Variants in PARVA observed in about 807,000 individuals in gnomAD.
PARVA encodes the protein parvin alpha, also known as alpha-parvin.
In PARVA, 25 loss-of-function variants were observed where a neutral mutation model predicts 52.6. The observed-to-expected ratio is 0.48, with a 90% confidence interval of 0.35 to 0.66. The LOEUF (loss-of-function observed/expected upper bound fraction) is 0.66, where lower values mean the gene tolerates loss of function less well. Among genes scored for constraint, PARVA ranks in the 30% least tolerant of loss-of-function variants. The pLI, the probability that PARVA is intolerant of heterozygous loss-of-function variation, is 0.01. For missense variants in PARVA, 373 were observed against 450.9 expected (o/e 0.83, Z 1.56); for synonymous variants, 185 against 179.1 (o/e 1.03, Z -0.26).
intron 1 of PARVA, among the ~76,000 whole-genome samples, chr11:12,450,569 C>T (rs1374559379): frequency 1.3e-5 from 2 of 152,134 alleles, no homozygotes. Context: ...AGGATATAAG[C>T]ATACATGAAA....
chr11:12,427,757 C>A (rs989177334), intron 1 of PARVA, among the ~76,000 whole-genome samples: 2 of 152,176 alleles, frequency 1.3e-5, no homozygotes, highest in Non-Finnish European at 2.9e-5. Context: ...GTAAAAACAT[C>A]AAATACAGCT....
At chr11:12,516,299 T>C (rs1941566453) in intron 10 of PARVA, among the ~76,000 whole-genome samples, 1 of 152,214 alleles carries the variant, frequency 6.6e-6, no homozygotes, top group Non-Finnish European at 1.5e-5. Context: ...CCAGCAGCTA[T>C]ATACACTCAT....
chr11:12,422,324 C>G (rs1347161289), intron 1 of PARVA, among the ~76,000 whole-genome samples: 4 of 152,062 alleles, frequency 2.6e-5, no homozygotes, highest in African/African-American at 9.7e-5. Context: ...CTGTGGGTCT[C>G]TTTTTTGAGC....
rs1232098756 is a variant in PARVA at position 12,517,630 on chromosome 11, G to A, written c.888G>A (p.Leu296=). ...TCCAGTTTGCAGATGGGGTGTACCTGGTGCTGCTCATGGGGCTCCTGGAGG... is the reference window on the plus strand; with the variant it reads ...TCCAGTTTGCAGATGGGGTGTACCTAGTGCTGCTCATGGGGCTCCTGGAGG... ...LETQFADGVY[L]VLLMGLLEGY... The change falls in exon 11 of 13, where the codon CTG becomes CTA. Residue 296 remains leucine, a synonymous_variant. Coordinates refer to ENST00000334956, the MANE Select transcript of PARVA (RefSeq NM_018222.5). The A allele has an allele frequency of 3.7e-6, 6 of 1,600,718 alleles. No homozygotes were observed. Among genetic ancestry groups the A allele is most frequent in the Non-Finnish European group, 5.1e-6 (6 of 1,173,412 alleles).
chr11:12,491,652 G>C (rs1692302040), intron 4 of PARVA, among the ~76,000 whole-genome samples: 1 of 151,958 alleles, frequency 6.6e-6, no homozygotes, highest in African/African-American at 2.4e-5. Flanking sequence ...AAAGTCACTA[G>C]GAAAATATAG....
chr11:12,441,598 C>G (rs1302245113), intron 1 of PARVA, among the ~76,000 whole-genome samples: 4 of 151,574 alleles, frequency 2.6e-5, no homozygotes, highest in Admixed American at 2.6e-4. Context: ...CAAGAAATTC[C>G]ACATAGACGG....
intron 5 of PARVA, among the ~76,000 whole-genome samples, chr11:12,500,392 C>T (rs946582047): frequency 2.0e-5 from 3 of 152,060 alleles, no homozygotes; most frequent in African/African-American, 7.2e-5. Flanking sequence ...TCCCAGGAGA[C>T]GTGTTGAGAG....
At chr11:12,397,396 A>G (rs1939764220) in intron 1 of PARVA, among the ~76,000 whole-genome samples, 1 of 152,210 alleles carries the variant, frequency 6.6e-6, no homozygotes, top group Non-Finnish European at 1.5e-5. Flanking sequence ...ACTCTGAACA[A>G]TGCTGCATTA....
At chr11:12,484,259 CTGGCTTGGGA>C (rs1333918293) in intron 4 of PARVA, among the ~76,000 whole-genome samples, 3 of 152,136 alleles carry the variant, frequency 2.0e-5, no homozygotes, top group Admixed American at 6.6e-5. Context: ...TTGAGGTTTC[CTGGCTTGGGA>C]TGTCTATGTG....
intron 1 of PARVA, among the ~76,000 whole-genome samples, chr11:12,407,961 T>C (rs1939938357): frequency 6.6e-6 from 1 of 152,242 alleles, no homozygotes; most frequent in Non-Finnish European, 1.5e-5. Flanking sequence ...GTCCCCATCC[T>C]TTTAAAGAGG....
In PARVA at chr11:12,504,411, C is replaced by A; in HGVS notation, c.639C>A (p.Ile213=). ...TTCGACTCCCAGACCATGTTTCCAT[C>A]CAAGTGGTTGTGGTCCAGGTAAGAC... ...APIRLPDHVS[I]QVVVVQKREG... Residue 213 remains isoleucine (I), a synonymous_variant, in exon 6 of 13, where the codon ATC becomes ATA. Coordinates refer to ENST00000334956, the MANE Select transcript of PARVA (RefSeq NM_018222.5). The A allele has an allele frequency of 7.4e-6, 12 of 1,611,990 alleles. No homozygotes were observed. Among genetic ancestry groups the A allele is most frequent in the Non-Finnish European group, 1.0e-5 (12 of 1,178,142 alleles).
chr11:12,443,935 CCTTA>C (rs1257868703), intron 1 of PARVA, among the ~76,000 whole-genome samples: 1 of 152,168 alleles, frequency 6.6e-6, no homozygotes, highest in Non-Finnish European at 1.5e-5. Context: ...CATTTTACTG[CCTTA>C]CTATCTCATT....
intron 1 of PARVA, among the ~76,000 whole-genome samples, chr11:12,447,363 C>G (rs2135010451): frequency 1.3e-5 from 2 of 152,236 alleles, no homozygotes; most frequent in Middle Eastern, 3.4e-3. Context: ...AAACAGCACC[C>G]CATCAGGGCT....
chr11:12,507,019 GTCC>G (rs1941438859), intron 6 of PARVA, among the ~76,000 whole-genome samples: 1 of 152,068 alleles, frequency 6.6e-6, no homozygotes, highest in Non-Finnish European at 1.5e-5. Flanking sequence ...GTGGAAAGAA[GTCC>G]TGATTTATCT....
intron 12 of PARVA, among the ~76,000 whole-genome samples, chr11:12,521,588 C>T (rs1941637047): frequency 6.6e-6 from 1 of 152,204 alleles, no homozygotes; most frequent in Non-Finnish European, 1.5e-5. Flanking sequence ...AGGTCCTAAT[C>T]CTCGGTACCT....
chr11:12,496,757 G>A (rs534225059), intron 5 of PARVA, among the ~76,000 whole-genome samples, 159 bp downstream of exon 5: 2 of 152,332 alleles, frequency 1.3e-5, no homozygotes, highest in East Asian at 3.9e-4. Flanking sequence ...GAACTTGGAA[G>A]AAGTTCCATC....
intron 1 of PARVA, among the ~76,000 whole-genome samples, chr11:12,434,443 G>C (rs1030868099): frequency 1.3e-5 from 2 of 152,116 alleles, no homozygotes; most frequent in African/African-American, 4.8e-5. Context: ...TCTCTTTCCC[G>C]GGTGAGTTTA....
intron 10 of PARVA, among the ~76,000 whole-genome samples, chr11:12,515,919 C>G (rs1941562005): frequency 6.6e-6 from 1 of 152,220 alleles, no homozygotes; most frequent in Non-Finnish European, 1.5e-5. Flanking sequence ...TTACTGCATC[C>G]TCAACTTCCC....
rs776866122 is a variant in PARVA at position 12,500,193 on chromosome 11, CTA to C, written c.541+3597_541+3598del. 1.1e-3 allele frequency among the ~76,000 whole-genome samples: 169 copies of C among 152,346 alleles called. 1 individual carries two copies. Among genetic ancestry groups the C allele is most frequent in the Non-Finnish European group, 4.3e-4 (29 of 68,034 alleles). ...TCCACCACAGGACGTGTTTGGAAGA[CTA>C]TTTCTAACTCAGCAGCCCTGTTTTA... On this transcript the variant is annotated intron_variant, in intron 5 of 12. Coordinates refer to ENST00000334956, the MANE Select transcript of PARVA (RefSeq NM_018222.5).
Sources: gnomAD v4.1 joint callset for allele counts (sites outside exome capture counted in the v4.1 genomes callset) on GRCh38, gnomAD v4.1.1 for gene constraint, MANE v1.5 for transcripts, NCBI Gene and HGNC (gene_info 2026-07-23, HGNC 2026-07-21) for gene names.